Variants in PLA2G3 observed in about 807,000 individuals in gnomAD.
PLA2G3 encodes the protein group 3 secretory phospholipase A2.
Under a neutral mutation model 51.3 loss-of-function variants are expected in PLA2G3, and 39 were observed. The observed-to-expected ratio is 0.76, with a 90% CI of 0.59 to 0.99. The LOEUF (loss-of-function observed/expected upper bound fraction) is 0.99. Ranked by LOEUF, PLA2G3 falls within the 50% of genes least tolerant of loss-of-function variation. The pLI is 0.00. For missense variants in PLA2G3, 677 were observed against 662.1 expected (o/e 1.02, Z -0.25); for synonymous variants, 293 against 263.1 (o/e 1.11, Z -1.10).
intron 6 of PLA2G3, among the ~76,000 whole-genome samples, chr22:31,136,383 C>T (rs1922561235): frequency 6.6e-6 from 1 of 152,170 alleles, no homozygotes; most frequent in Non-Finnish European, 1.5e-5. Flanking sequence ...GACCTATGTG[C>T]ATCCTGCCGT....
rs1336241737 is a variant in PLA2G3 at position 31,136,724 on chromosome 22, G to A, written c.1275C>T (p.Cys425=). The A allele has an allele frequency of 6.2e-7, 1 of 1,613,368 alleles. No homozygotes were observed. The highest frequency in any genetic ancestry group is 8.5e-7 in the Non-Finnish European group (1 of 1,179,818). The change falls in exon 6 of 7, where the codon TGC becomes TGT. Residue 425 remains cysteine (C), a synonymous_variant. Transcript: ENST00000215885. ...NMLWELLGTT[C]FKLAPPLDCV... is the part of the protein sequence containing the mutation. ...AGTCCAGTGGAGGGGCCAGCTTGAA[G>A]CAGGTTGTGCCCAGCAGCTCCCAAA... is the stretch of plus-strand genomic sequence containing the variant.
intron 3 of PLA2G3, 21 bp from the exon 4 acceptor site, chr22:31,138,014 G>A (rs1490852763): frequency 6.5e-6 from 10 of 1,527,142 alleles, no homozygotes; most frequent in Non-Finnish European, 8.7e-6. Context: ...GCAGTTGGTG[G>A]AAATTGGTGA....
Position 31,136,712 on chromosome 22 carries a change from G to A in PLA2G3, c.1287C>T (p.Ala429=). ...TGCCTTCCACACAGTCCAGTGGAGG[G>A]GCCAGCTTGAAGCAGGTTGTGCCCA... The part of the protein sequence containing the change: ...ELLGTTCFKL[A]PPLDCVEGKN... The change falls in exon 6 of 7, where the codon GCC becomes GCT. Residue 429 remains alanine (A), a synonymous_variant. Coordinates refer to ENST00000215885, the MANE Select transcript of PLA2G3 (RefSeq NM_015715.5). 1 of 1,613,378 alleles carries A rather than the reference G, an allele frequency of 6.2e-7. No individual in the cohort carries two copies. Among genetic ancestry groups the A allele is most frequent in the Non-Finnish European group, 8.5e-7 (1 of 1,179,758 alleles).
intron 2 of PLA2G3, 94 bp from the exon 3 acceptor site, chr22:31,138,504 G>A: frequency 6.5e-7 from 1 of 1,535,414 alleles, no homozygotes; most frequent in Non-Finnish European, 8.9e-7. Context: ...GGTGGTTTGG[G>A]GTCCAAGCAT....
Position 31,140,059 on chromosome 22 carries a change from G to T in PLA2G3, c.296C>A (p.Thr99Asn), listed in dbSNP as rs370884701. Residue 99 changes from threonine (T) to asparagine (N), a missense_variant, in exon 1 of 7, where the codon ACC becomes AAC. Thr to Asn is a moderately conservative substitution (Grantham distance 65). Coordinates refer to ENST00000215885, the MANE Select transcript of PLA2G3 (RefSeq NM_015715.5). ...HETAWGSFIH[T>N]PGPELQRALA... ...TGCTCTCTGCAGCTCGGGTCCGGGG[G>T]TGTGGATGAAGGAGCCCCAGGCAGT... The T allele has an allele frequency of 3.7e-6, 6 of 1,613,488 alleles. No homozygotes were observed. Among genetic ancestry groups the T allele is most frequent in the African/African-American group, 2.7e-5 (2 of 74,918 alleles).
In PLA2G3 at chr22:31,138,397, G is replaced by C; in HGVS notation, c.661C>G (p.Leu221Val). 1 of 1,613,954 alleles carries C rather than the reference G, an allele frequency of 6.2e-7. No homozygotes were observed. Among genetic ancestry groups the C allele is most frequent in the Non-Finnish European group, 8.5e-7 (1 of 1,179,974 alleles). The change falls in exon 3 of 7, where the codon CTA becomes GTA. Residue 221 changes from leucine to valine, a missense_variant. By Grantham distance (32) the Leu-to-Val change is conservative (BLOSUM62 1). Transcript: ENST00000215885. ...GAGATGGAGTCGTGCTGATTCTGTAGGCATTGCTGAAACCTGCCCCAGAAC... is the reference window on the plus strand; with the variant it reads ...GAGATGGAGTCGTGCTGATTCTGTACGCATTGCTGAAACCTGCCCCAGAAC... ...CDCDTRFQQC[L>V]QNQHDSISDI...
chr22:31,138,747 C>T lies in PLA2G3; in HGVS notation c.567G>A (p.Gln189=). The T allele has an allele frequency of 6.2e-7, 1 of 1,614,118 alleles. No individual in the cohort carries two copies. The highest frequency in any genetic ancestry group is 1.3e-5 in the African/African-American group (1 of 75,030). ...AGTTGTACTGCAAGGGTGAGATGTTCTGTGGGCAGCGGTCATGTTCCCGGC... is the reference window on the plus strand; with the variant it reads ...AGTTGTACTGCAAGGGTGAGATGTTTTGTGGGCAGCGGTCATGTTCCCGGC... The part of the protein sequence containing the change: ...LCCREHDRCP[Q]NISPLQYNYG... Residue 189 remains glutamine (Q), a synonymous_variant, in exon 2 of 7, where the codon CAG becomes CAA. Coordinates refer to ENST00000215885, the MANE Select transcript of PLA2G3 (RefSeq NM_015715.5).
Position 31,135,495 on chromosome 22 carries a change from C to T in PLA2G3, c.*228G>A. The T allele has an allele frequency of 1.8e-6, 1 of 567,040 alleles. No homozygotes were observed. Among genetic ancestry groups the T allele is most frequent in the Non-Finnish European group, 3.2e-6 (1 of 317,050 alleles). The allele number at this position is 567,040 out of a possible 1,614,324, so 35.1% of individuals were successfully genotyped here. A position where few individuals can be genotyped will look rare whatever the true frequency, so the allele number is the denominator to read the frequency against. On this transcript the variant is annotated 3_prime_UTR_variant, in exon 7 of 7. Transcript: ENST00000215885. ...ATCAGAATGAGCTTCCTGAACACCA[C>T]ATCCAGGCATAGAAGAGTTGTGTCA...
Position 31,138,752 on chromosome 22 carries a change from G to A in PLA2G3, c.562C>T (p.Pro188Ser). 1 of 1,614,126 alleles carries A rather than the reference G, an allele frequency of 6.2e-7. No individual in the cohort carries two copies. Among genetic ancestry groups the A allele is most frequent in the Non-Finnish European group, 8.5e-7 (1 of 1,179,998 alleles). Reference protein sequence around the residue: ...DLCCREHDRCPQNISPLQYNY... With the variant: ...DLCCREHDRCSQNISPLQYNY... Reference sequence around the variant, plus strand: ...TACTGCAAGGGTGAGATGTTCTGTGGGCAGCGGTCATGTTCCCGGCAACAG... The same window carrying A: ...TACTGCAAGGGTGAGATGTTCTGTGAGCAGCGGTCATGTTCCCGGCAACAG... The change falls in exon 2 of 7, where the codon CCA (proline) becomes TCA (serine). Residue 188 changes from proline (P) to serine (S), a missense_variant. Pro to Ser is a moderately conservative substitution (Grantham distance 74). Coordinates refer to ENST00000215885, the MANE Select transcript of PLA2G3 (RefSeq NM_015715.5).
Position 31,140,491 on chromosome 22 carries a change from G to T in PLA2G3, c.-137C>A. On this transcript the variant is annotated 5_prime_UTR_variant, in exon 1 of 7. Coordinates refer to ENST00000215885, the MANE Select transcript of PLA2G3 (RefSeq NM_015715.5). ...CGGCGGGACCAATGAATGGAGCTGC[G>T]GGAGGAGGAGGAAAGAGGCTGGAGT... The T allele has an allele frequency of 2.1e-6, 2 of 931,112 alleles. No homozygotes were observed. Among genetic ancestry groups the T allele is most frequent in the East Asian group, 2.6e-5 (1 of 38,478 alleles). 57.7% of individuals were successfully genotyped at this position (931,112 alleles called of 1,614,324 possible).
At chr22:31,139,767 G>A (rs1922784502) in intron 1 of PLA2G3, 74 bp downstream of exon 1, 2 of 1,017,068 alleles carry the variant, frequency 2.0e-6, no homozygotes, top group Non-Finnish European at 2.9e-6. Flanking sequence ...CAGCCTAGGA[G>A]AGTAAGGGCT....
At chr22:31,137,641 G>T in intron 4 of PLA2G3, 69 bp downstream of exon 4, 1 of 1,405,878 alleles carries the variant, frequency 7.1e-7, no homozygotes, top group Non-Finnish European at 9.6e-7. Context: ...GCAACACATG[G>T]CCACCCCTAA....
At position 31,136,758 on chromosome 22, in the gene PLA2G3, G is replaced by T. The variant is rs1236445343; in HGVS notation, c.1241C>A (p.Thr414Asn). Residue 414 changes from threonine to asparagine, a missense_variant, in exon 6 of 7, where the codon ACC becomes AAC. Transcript: ENST00000215885. Reference protein sequence around the residue: ...FLRLHSPPEVTNMLWELLGTT... With the variant: ...FLRLHSPPEVNNMLWELLGTT... ...GCCCAGCAGCTCCCAAAGCATGTTG[G>T]TAACCTCGGGTGGGCTGTGGAGCCT... is the stretch of plus-strand genomic sequence containing the variant. 1 of 1,613,508 alleles carries T rather than the reference G, an allele frequency of 6.2e-7. No homozygotes were observed. Among genetic ancestry groups the T allele is most frequent in the South Asian group, 1.1e-5 (1 of 90,996 alleles).
chr22:31,138,648 C>T lies in PLA2G3; in HGVS notation c.647+19G>A, dbSNP rs1364182769. ...CTGCCCTGTCCCTGAGCTCTGGGCCCTCGCTGCCTGCCACCAACCTGGTGT... is the reference window on the plus strand; with the variant it reads ...CTGCCCTGTCCCTGAGCTCTGGGCCTTCGCTGCCTGCCACCAACCTGGTGT... On this transcript the variant is annotated intron_variant, in intron 2 of 6. Coordinates refer to ENST00000215885, the MANE Select transcript of PLA2G3 (RefSeq NM_015715.5). 10 of 1,614,042 alleles carry T rather than the reference C, an allele frequency of 6.2e-6. 1 individual carries two copies. Among genetic ancestry groups the T allele is most frequent in the Non-Finnish European group, 8.5e-6 (10 of 1,179,930 alleles).
rs971136973 is a variant in PLA2G3 at position 31,137,138 on chromosome 22, TCACA to T, written c.1067-102_1067-99del. ...GAGAAACACCAGCACGTGTGCTCAG[TCACA>T]CACACAGATTCCCTCCATTTCATGC... On this transcript the variant is annotated intron_variant, in intron 4 of 6. Coordinates refer to ENST00000215885, the MANE Select transcript of PLA2G3 (RefSeq NM_015715.5). 4.3e-5 allele frequency: 52 copies of T among 1,197,180 alleles called. No homozygotes were observed. The African/African-American group carries it at 7.1e-4, about 16-fold the overall frequency. 74.2% of individuals were successfully genotyped at this position (1,197,180 alleles called of 1,614,324 possible).
chr22:31,138,146 C>T (rs1474836869), intron 3 of PLA2G3, 130 bp downstream of exon 3: 4 of 1,369,622 alleles, frequency 2.9e-6, no homozygotes, highest in Admixed American at 2.2e-5. Context: ...ATCCCGGGCC[C>T]TCAGGAGAGG....
intron 1 of PLA2G3, among the ~76,000 whole-genome samples, chr22:31,139,104 C>A (rs1012361350): frequency 1.3e-5 from 2 of 152,134 alleles, no homozygotes; most frequent in African/African-American, 4.8e-5. Context: ...TTCCCAAGCC[C>A]ACGCCCCAAA....
At position 31,140,358 on chromosome 22, in the gene PLA2G3, G is replaced by A; in HGVS notation, c.-4C>T. The stretch of plus-strand genomic sequence containing the variant: ...ACAGCCCTGCCTGAACCCCCATTCT[G>A]CACTGGCCCAGTCCAGTCAGACAAA... On this transcript the variant is annotated 5_prime_UTR_variant, in exon 1 of 7. Coordinates refer to ENST00000215885, the MANE Select transcript of PLA2G3 (RefSeq NM_015715.5). 6.3e-7 allele frequency: 1 copy of A among 1,584,116 alleles called. No homozygotes were observed.
At chr22:31,138,221 TG>T in intron 3 of PLA2G3, 54 bp downstream of exon 3, 1 of 1,588,462 alleles carries the variant, frequency 6.3e-7, no homozygotes, top group Non-Finnish European at 8.6e-7. Flanking sequence ...TCACCAGGCT[TG>T]GAGCCTGGGC....
Sources: allele counts gnomAD v4.1 joint callset (sites outside exome capture counted in the v4.1 genomes callset), GRCh38; gene constraint gnomAD v4.1.1; transcripts MANE v1.5; gene names NCBI Gene and HGNC (gene_info 2026-07-23, HGNC 2026-07-21).